CSNK2A1: variants seen among roughly 807,000 people sequenced by gnomAD.
CSNK2A1 encodes the protein casein kinase II subunit alpha.
In CSNK2A1, 10 loss-of-function variants were observed where a neutral mutation model predicts 62.9. The ratio of observed to expected loss-of-function variants is 0.16; its 90% CI spans 0.10 to 0.27. The LOEUF is 0.27. CSNK2A1 is among the 10% of genes least tolerant of loss of function. The pLI is 1.00. For synonymous variants in CSNK2A1, 124 were observed against 167.8 expected (o/e 0.74, Z 2.02); for missense variants, 160 against 492.0 (o/e 0.33, Z 6.38).
At position 499,326 on chromosome 20, in the gene CSNK2A1, C is replaced by A; in HGVS notation, c.316-21G>T. 6.2e-7 allele frequency: 1 copy of A among 1,604,042 alleles called. No individual in the cohort carries two copies. The highest frequency in any genetic ancestry group is 8.5e-7 in the Non-Finnish European group (1 of 1,176,044). On this transcript the variant is annotated intron_variant, in intron 5 of 13. Transcript: ENST00000217244. This position sits in a 1 kb window ranked among gnomAD's most constrained non-coding sequence, Gnocchi z 4.2. ...CGTGACTAGGGGAAAAGAACAAAAA[C>A]AAAAACACACATTAGCAATAGCCCT...
chr20:491,896 C>T (rs1245672476), intron 9 of CSNK2A1, among the ~76,000 whole-genome samples: 1 of 152,166 alleles, frequency 6.6e-6, no homozygotes, highest in Non-Finnish European at 1.5e-5. Flanking sequence ...TGCACTGCAG[C>T]CTGGGCGACA....
rs1211758473 is a variant in CSNK2A1, at chr20:499,955, C to G, written c.214-21G>C. 2 of 1,362,374 alleles carry G rather than the reference C, an allele frequency of 1.5e-6. No individual in the cohort carries two copies. Among genetic ancestry groups the G allele is most frequent in the African/African-American group, 3.7e-5 (2 of 53,668 alleles). The allele number at this position is 1,362,374 out of a possible 1,614,324, so 84.4% of individuals were successfully genotyped here. A position where few individuals can be genotyped will look rare whatever the true frequency, so the allele number is the denominator to read the frequency against. The stretch of plus-strand genomic sequence containing the variant: ...ACTGGCTGAAAGGGGAAAAGTACAT[C>G]AGCAAAAAAAAAAAAAAAAAATTTT... On this transcript the variant is annotated intron_variant, in intron 4 of 13. Transcript: ENST00000217244. The surrounding 1 kb of genome is among the most constrained non-coding windows in gnomAD (Gnocchi z 4.2).
rs989433878 is a variant in CSNK2A1 at position 480,075 on chromosome 20, C to G, written c.*3886G>C. On this transcript the variant is annotated 3_prime_UTR_variant, in exon 14 of 14. Coordinates refer to ENST00000217244, the MANE Select transcript of CSNK2A1 (RefSeq NM_177559.3). ...GTCTACTAAATTGGCCAGGATCATTCCTTAGTCTTCAGATACCTATTTATC... is the reference window on the plus strand; with the variant it reads ...GTCTACTAAATTGGCCAGGATCATTGCTTAGTCTTCAGATACCTATTTATC... 1.3e-5 allele frequency: 2 copies of G among 152,148 alleles called. No homozygotes were observed. Among genetic ancestry groups the G allele is most frequent in the Non-Finnish European group, 2.9e-5 (2 of 68,038 alleles). The allele number at this position is 152,148 out of a possible 1,614,324, so 9.4% of individuals were successfully genotyped here. A position where few individuals can be genotyped will look rare whatever the true frequency, so the allele number is the denominator to read the frequency against.
rs1176037187 is a variant in CSNK2A1, at chr20:489,912, T to C, written c.622-31A>G. ...TAAAAGTAAACTCACTGTTATTATC[T>C]GTGAATCCTCAGGCTTGTCACTTCA... On this transcript the variant is annotated intron_variant, in intron 9 of 13. Coordinates refer to ENST00000217244, the MANE Select transcript of CSNK2A1 (RefSeq NM_177559.3). 11 of 1,520,808 alleles carry C rather than the reference T, an allele frequency of 7.2e-6. No homozygotes were observed. The East Asian group carries it at 2.3e-4, about 31-fold the overall frequency. The allele number at this position is 1,520,808 out of a possible 1,614,324, so 94.2% of individuals were successfully genotyped here.
rs1249772221 is a variant in CSNK2A1 at position 488,713 on chromosome 20, A to C, written c.789T>G (p.Ile263Met). 1 of 1,613,980 alleles carries C rather than the reference A, an allele frequency of 6.2e-7. No homozygotes were observed. Among genetic ancestry groups the C allele is most frequent in the Admixed American group, 1.7e-5 (1 of 59,982 alleles). Residue 263 changes from isoleucine (I) to methionine (M), a missense_variant, in exon 11 of 14, where the codon ATT becomes ATG. Physicochemically the swap from Ile to Met is conservative, Grantham distance 10. Around this residue, in one of 3 missense-constraint regions of CSNK2A1, gnomAD observed 94 missense variants for 357.6 expected, o/e 0.26. Transcript: ENST00000217244. ...DLYDYIDKYN[I>M]ELDPRFNDIL... is the part of the protein sequence containing the mutation. ...TATCATTGAAACGTGGATCTAATTC[A>C]ATGTTGTATTTGTCAATATAGTCAT... is the stretch of plus-strand genomic sequence containing the variant.
rs2017971534 is a variant in CSNK2A1, at chr20:482,389, G to T, written c.*1572C>A. The T allele has an allele frequency of 6.6e-6, 1 of 152,160 alleles. No individual in the cohort carries two copies. The highest frequency in any genetic ancestry group is 2.4e-5 in the African/African-American group (1 of 41,416). 9.4% of individuals were successfully genotyped at this position (152,160 alleles called of 1,614,324 possible). A position where few individuals can be genotyped will look rare whatever the true frequency, so the allele number is the denominator to read the frequency against. Reference sequence around the variant, plus strand: ...AAACTTAGGTGGTTGGATTACAGTGGAAAGTCCACTTTACACACACACACA... The same window carrying T: ...AAACTTAGGTGGTTGGATTACAGTGTAAAGTCCACTTTACACACACACACA... On this transcript the variant is annotated 3_prime_UTR_variant, in exon 14 of 14. Coordinates refer to ENST00000217244, the MANE Select transcript of CSNK2A1 (RefSeq NM_177559.3).
intron 2 of CSNK2A1, among the ~76,000 whole-genome samples, chr20:509,981 G>T (rs1361234631): frequency 1.3e-5 from 2 of 152,160 alleles, no homozygotes; most frequent in Admixed American, 1.3e-4. Flanking sequence ...CAGCATAAAA[G>T]ACAAATGGAG....
Position 478,619 on chromosome 20 carries a change from A to G in CSNK2A1, c.*5342T>C. On this transcript the variant is annotated 3_prime_UTR_variant, in exon 14 of 14. Coordinates refer to ENST00000217244, the MANE Select transcript of CSNK2A1 (RefSeq NM_177559.3). ...GGAGGTACCTGGGGAAGGGCTTCTCACATTGAGGCCAATAAGAATCCCTAG... is the reference window on the plus strand; with the variant it reads ...GGAGGTACCTGGGGAAGGGCTTCTCGCATTGAGGCCAATAAGAATCCCTAG... The G allele has an allele frequency of 2.3e-6, 1 of 426,400 alleles. No homozygotes were observed. The highest frequency in any genetic ancestry group is 4.6e-6 in the Non-Finnish European group (1 of 215,512). The allele number at this position is 426,400 out of a possible 1,614,324, so 26.4% of individuals were successfully genotyped here.
At position 473,335 on chromosome 20, in the gene CSNK2A1, C is replaced by CT. The variant is rs1433000443; in HGVS notation, c.*10625dup. On this transcript the variant is annotated 3_prime_UTR_variant, in exon 14 of 14. Transcript: ENST00000217244. ...ATCAAGTCTCAGTCTCTGTCAGGCCCTTTGTGTCTCTGATTTTGGGGTTAT... is the reference window on the plus strand; with the variant it reads ...ATCAAGTCTCAGTCTCTGTCAGGCCCTTTTGTGTCTCTGATTTTGGGGTTAT... 6.6e-6 allele frequency: 1 copy of CT among 152,556 alleles called. No individual in the cohort carries two copies. Among genetic ancestry groups the CT allele is most frequent in the Non-Finnish European group, 1.5e-5 (1 of 68,314 alleles). The allele number at this position is 152,556 out of a possible 1,614,324, so 9.5% of individuals were successfully genotyped here.
chr20:524,725 A>AG (rs1253874696), intron 2 of CSNK2A1, among the ~76,000 whole-genome samples: 1 of 150,786 alleles, frequency 6.6e-6, no homozygotes, highest in Non-Finnish European at 1.5e-5. Flanking sequence ...AAAAAAAAAA[A>AG]AAAAAGAGAT....
chr20:536,801 T>C (rs1374692302), intron 1 of CSNK2A1, among the ~76,000 whole-genome samples: 1 of 152,174 alleles, frequency 6.6e-6, no homozygotes. Context: ...AATTTTGAGC[T>C]TGGAGGGCAG....
rs1369718112 is a variant in CSNK2A1, at chr20:481,444, TACA to T, written c.*2514_*2516del. The T allele has an allele frequency of 1.3e-5, 2 of 151,616 alleles. No individual in the cohort carries two copies. Among genetic ancestry groups the T allele is most frequent in the South Asian group, 2.1e-4 (1 of 4,814 alleles). The allele number at this position is 151,616 out of a possible 1,614,324, so 9.4% of individuals were successfully genotyped here. On this transcript the variant is annotated 3_prime_UTR_variant, in exon 14 of 14. Transcript: ENST00000217244. ...TACAAGGTATACAGATGAGGTAATT[TACA>T]ACAACACGTAAGTTGTTACTCTGTA...
At chr20:486,237 G>A in intron 13 of CSNK2A1, 139 bp downstream of exon 13, 1 of 826,182 alleles carries the variant, frequency 1.2e-6, no homozygotes, top group Non-Finnish European at 1.9e-6. Flanking sequence ...CAAATGTCAA[G>A]CATGCTGAAA....
chr20:537,332 G>A (rs750724055), intron 1 of CSNK2A1, among the ~76,000 whole-genome samples: 1 of 152,128 alleles, frequency 6.6e-6, no homozygotes, highest in Non-Finnish European at 1.5e-5. Flanking sequence ...AAAGAAGCTT[G>A]CCGACCATAG....
chr20:499,957 GCAA>G lies in CSNK2A1; in HGVS notation c.214-26_214-24del. 1 of 1,161,688 alleles carries G rather than the reference GCAA, an allele frequency of 8.6e-7. No individual in the cohort carries two copies. The highest frequency in any genetic ancestry group is 2.3e-5 in the African/African-American group (1 of 43,972). 72.0% of individuals were successfully genotyped at this position (1,161,688 alleles called of 1,614,324 possible). A position where few individuals can be genotyped will look rare whatever the true frequency, so the allele number is the denominator to read the frequency against. On this transcript the variant is annotated intron_variant, in intron 4 of 13. Coordinates refer to ENST00000217244, the MANE Select transcript of CSNK2A1 (RefSeq NM_177559.3). The surrounding 1 kb of genome is among the most constrained non-coding windows in gnomAD (Gnocchi z 4.2). Reference sequence around the variant, plus strand: ...TGGCTGAAAGGGGAAAAGTACATCAGCAAAAAAAAAAAAAAAAAATTTTTTCAG... The same window carrying G: ...TGGCTGAAAGGGGAAAAGTACATCAGAAAAAAAAAAAAAAAATTTTTTCAG...
chr20:529,611 A>C (rs8183122), intron 1 of CSNK2A1, among the ~76,000 whole-genome samples: 1 of 152,210 alleles, frequency 6.6e-6, no homozygotes. Flanking sequence ...TAAAAAGGTA[A>C]AAGTTCTTGA....
At chr20:540,927 T>C (rs2019437431) in intron 1 of CSNK2A1, 1 of 152,174 alleles carries the variant, frequency 6.6e-6, no homozygotes, top group African/African-American at 2.4e-5. Context: ...TTGCATTCCT[T>C]GGTGGAAACT....
At chr20:497,822 G>T in intron 6 of CSNK2A1, 42 bp from the exon 7 acceptor site, 1 of 1,575,710 alleles carries the variant, frequency 6.3e-7, no homozygotes, top group Non-Finnish European at 8.7e-7. Context: ...AATGCTGACA[G>T]AAAGGCATTT....
At chr20:532,841 A>T (rs1426718980) in intron 1 of CSNK2A1, among the ~76,000 whole-genome samples, 2 of 152,214 alleles carry the variant, frequency 1.3e-5, no homozygotes, top group Non-Finnish European at 2.9e-5. Flanking sequence ...CTGGAAGATC[A>T]TCTATTTGGA....
Sources: allele counts gnomAD v4.1 joint callset (sites outside exome capture counted in the v4.1 genomes callset), GRCh38; gene constraint gnomAD v4.1.1; regional missense constraint gnomAD v4.1.1; non-coding constraint Gnocchi (gnomAD v3.1); transcripts MANE v1.5; gene names NCBI Gene and HGNC (gene_info 2026-07-23, HGNC 2026-07-21).